KLRG1: variants seen among roughly 807,000 people sequenced by gnomAD.
The protein encoded by KLRG1 is killer cell lectin-like receptor subfamily G member 1.
A neutral mutation model predicts 21.8 loss-of-function variants in KLRG1; 16 were observed. The ratio of observed to expected loss-of-function variants is 0.73; its 90% CI spans 0.50 to 1.11. KLRG1 has a LOEUF of 1.11. Among genes scored for constraint, KLRG1 ranks in the 50% most tolerant of loss-of-function variants. The pLI is 0.00. For synonymous variants in KLRG1, 69 were observed against 75.9 expected, an observed-to-expected ratio of 0.91 and a Z score of 0.47; for missense variants, 173 against 218.3, an observed-to-expected ratio of 0.79 and a Z score of 1.31.
chr12:9,088,567 AG>A, the KLRG1 span, among the ~76,000 whole-genome samples: 1 of 152,200 alleles, frequency 6.6e-6, no homozygotes, highest in Admixed American at 6.5e-5. Context: ...CTAAATTTGT[AG>A]GTAGTCAGAG....
chr12:9,158,393 G>A, the KLRG1 span: 1 of 1,612,784 alleles, frequency 6.2e-7, no homozygotes, highest in Non-Finnish European at 8.5e-7. Flanking sequence ...ATGTGTGTCA[G>A]GCTCAGAAGT....
chr12:9,039,723 A>G, the KLRG1 span, among the ~76,000 whole-genome samples: 2 of 152,208 alleles, frequency 1.3e-5, no homozygotes, highest in Non-Finnish European at 1.5e-5. Context: ...TCAAGGGTAA[A>G]GTCTCTTCTA....
At position 9,009,594 on chromosome 12, in the gene KLRG1, G is replaced by T. The variant is rs1947585459; in HGVS notation, c.*57G>T. On this transcript the variant is annotated 3_prime_UTR_variant, in exon 5 of 5. Transcript: ENST00000356986. ...TGTCATGTATCCCTAAAAGGAGGGA[G>T]CTGGCCACTGGCTGTTGGGAAAGCC... 1 of 1,591,044 alleles carries T rather than the reference G, an allele frequency of 6.3e-7. No individual in the cohort carries two copies. Among genetic ancestry groups the T allele is most frequent in the Middle Eastern group, 1.7e-4 (1 of 5,888 alleles).
chr12:9,112,057 G>T, the KLRG1 span: 1 of 1,070,166 alleles, frequency 9.3e-7, no homozygotes, highest in South Asian at 1.3e-5. Context: ...TACTGTTAAT[G>T]ATACCAGATT....
the KLRG1 span, among the ~76,000 whole-genome samples, chr12:9,148,240 T>C: frequency 7.9e-5 from 12 of 152,206 alleles, no homozygotes; most frequent in African/African-American, 2.7e-4. Flanking sequence ...GGTTAAACTC[T>C]ACTCCTTAGC....
the KLRG1 span, among the ~76,000 whole-genome samples, chr12:9,017,348 T>C: frequency 6.6e-6 from 1 of 151,080 alleles, no homozygotes; most frequent in African/African-American, 2.4e-5. Context: ...TGATAGACAT[T>C]GATGCAAAAA....
intron 1 of KLRG1, among the ~76,000 whole-genome samples, chr12:8,972,420 A>G (rs1257626797): frequency 6.6e-6 from 1 of 152,170 alleles, no homozygotes; most frequent in Non-Finnish European, 1.5e-5. Flanking sequence ...CGGCATCCCA[A>G]AGTGCTGGGA....
chr12:9,014,097 A>G (rs1947667783), downstream of KLRG1, among the ~76,000 whole-genome samples: 2 of 152,122 alleles, frequency 1.3e-5, no homozygotes, highest in African/African-American at 4.8e-5. Context: ...AAAAGAATGA[A>G]GCATGCCTAC....
At chr12:9,137,356 C>G in the KLRG1 span, among the ~76,000 whole-genome samples, 1 of 152,016 alleles carries the variant, frequency 6.6e-6, no homozygotes, top group African/African-American at 2.4e-5. Flanking sequence ...TGCATTTATT[C>G]CTGAGATCTC....
At chr12:9,077,856 G>A in the KLRG1 span, 2 of 1,614,118 alleles carry the variant, frequency 1.2e-6, no homozygotes, top group African/African-American at 1.3e-5. Flanking sequence ...AAGGCTGTGA[G>A]CCTGACCAGG....
At chr12:8,956,420 A>G (rs1451325109) in intron 1 of KLRG1, among the ~76,000 whole-genome samples, 1 of 152,110 alleles carries the variant, frequency 6.6e-6, no homozygotes, top group Non-Finnish European at 1.5e-5. Context: ...GAGCTGTAAC[A>G]TGCTGTAACA....
chr12:8,956,151 G>A (rs766317833), intron 1 of KLRG1, among the ~76,000 whole-genome samples: 2 of 152,262 alleles, frequency 1.3e-5, no homozygotes, highest in Admixed American at 6.5e-5. Context: ...AAGAACTCGG[G>A]ACCTGCCGAA....
the KLRG1 span, among the ~76,000 whole-genome samples, chr12:9,140,045 A>T: frequency 5.3e-5 from 8 of 152,138 alleles, no homozygotes; most frequent in East Asian, 1.3e-3. Flanking sequence ...TGGGATGGGC[A>T]TGTCTCTGGC....
At chr12:9,087,106 G>A in the KLRG1 span, among the ~76,000 whole-genome samples, 1 of 150,962 alleles carries the variant, frequency 6.6e-6, no homozygotes, top group Admixed American at 6.6e-5. Context: ...ATAAAACACT[G>A]ATGAAAGAAA....
chr12:9,013,534 T>TA (rs914254229), downstream of KLRG1, among the ~76,000 whole-genome samples: 12 of 150,994 alleles, frequency 7.9e-5, no homozygotes, highest in South Asian at 2.1e-4. Flanking sequence ...GGCAATTTAC[T>TA]AAAAAAAAAG....
the KLRG1 span, chr12:9,109,554 C>G: frequency 1.5e-6 from 1 of 665,380 alleles, no homozygotes; most frequent in Non-Finnish European, 2.6e-6. Flanking sequence ...CTATCCTCCT[C>G]TCAAATGAAG....
chr12:9,049,343 T>A, the KLRG1 span, among the ~76,000 whole-genome samples: 2 of 152,082 alleles, frequency 1.3e-5, no homozygotes, highest in African/African-American at 4.8e-5. Context: ...GGGTGCCATA[T>A]CTTGATCCTG....
the KLRG1 span, among the ~76,000 whole-genome samples, chr12:9,048,915 A>G: frequency 1.6e-4 from 25 of 152,246 alleles, no homozygotes; most frequent in Non-Finnish European, 3.5e-4. Flanking sequence ...CACAGATTAC[A>G]TGATTGGCTA....
chr12:9,198,580 C>G, the KLRG1 span, among the ~76,000 whole-genome samples: 2 of 151,980 alleles, frequency 1.3e-5, no homozygotes, highest in Non-Finnish European at 2.9e-5. Flanking sequence ...GAAAAAGAAG[C>G]CTAGGAACAC....
Sources: gnomAD v4.1 joint callset for allele counts (sites outside exome capture counted in the v4.1 genomes callset) on GRCh38, gnomAD v4.1.1 for gene constraint, MANE v1.5 for transcripts, NCBI Gene and HGNC (gene_info 2026-07-23, HGNC 2026-07-21) for gene names.